STK32C: variants seen among roughly 807,000 people sequenced by gnomAD.
STK32C encodes serine/threonine-protein kinase 32C.
In STK32C, 31 loss-of-function variants were observed where a neutral mutation model predicts 56.5. That is an observed-to-expected ratio of 0.55 (90% CI 0.41 to 0.74). STK32C has a LOEUF of 0.74. Ranked by LOEUF, STK32C falls within the 30% of genes least tolerant of loss-of-function variation. STK32C has a pLI of 0.00. For missense variants in STK32C, 544 were observed against 676.9 expected, an observed-to-expected ratio of 0.80 and a Z score of 2.18; for synonymous variants, 309 against 289.4, an observed-to-expected ratio of 1.07 and a Z score of -0.69.
At chr10:132,331,064 G>C (rs2138522388) in intron 1 of STK32C, among the ~76,000 whole-genome samples, 1 of 151,412 alleles carries the variant, frequency 6.6e-6, no homozygotes, top group East Asian at 2.0e-4. Flanking sequence ...AGCTGGACGT[G>C]GTGGCGCGCG....
chr10:132,331,612 G>A (rs1355550601), exon 1 of STK32C: 2 of 1,612,914 alleles, frequency 1.2e-6, no homozygotes, highest in Non-Finnish European at 1.7e-6. Context: ...TGAGCCCAGC[G>A]GGAAGGACAG....
chr10:132,267,875 C>G (rs1254256931), intron 1 of STK32C, among the ~76,000 whole-genome samples: 1 of 131,292 alleles, frequency 7.6e-6, no homozygotes, highest in African/African-American at 2.9e-5. Context: ...CTATGCCTGT[C>G]TGTGTGCATG....
At chr10:132,228,915 C>G (rs552589924) in intron 2 of STK32C, among the ~76,000 whole-genome samples, 49 of 152,340 alleles carry the variant, frequency 3.2e-4, no homozygotes, top group African/African-American at 1.2e-3. Flanking sequence ...GGACCCCCTC[C>G]GGGGCGCCAG....
chr10:132,323,555 T>C (rs761074798), downstream of STK32C, among the ~76,000 whole-genome samples: 1 of 152,200 alleles, frequency 6.6e-6, no homozygotes, highest in African/African-American at 2.4e-5. This position sits in a 1 kb window ranked among gnomAD's most constrained non-coding sequence, Gnocchi z 4.8. Flanking sequence ...GAGACGTCCA[T>C]GTCTGAATCC....
At chr10:132,252,349 C>T (rs1001081247) in intron 1 of STK32C, among the ~76,000 whole-genome samples, 7 of 152,222 alleles carry the variant, frequency 4.6e-5, no homozygotes, top group African/African-American at 1.7e-4. Context: ...ACAAGGCCGT[C>T]GGGAGACATT....
chr10:132,283,401 C>T (rs1418174189), intron 1 of STK32C, among the ~76,000 whole-genome samples: 1 of 152,362 alleles, frequency 6.6e-6, no homozygotes, highest in African/African-American at 2.4e-5. Flanking sequence ...GAAGGTCCAG[C>T]GGCAGCCACG....
intron 1 of STK32C, among the ~76,000 whole-genome samples, chr10:132,266,980 C>A (rs1565127792): frequency 6.6e-6 from 1 of 152,202 alleles, no homozygotes; most frequent in Non-Finnish European, 1.5e-5. Flanking sequence ...ACCCCAACAA[C>A]CACCGTGAGT....
At chr10:132,237,511 T>C (rs941917854) in intron 2 of STK32C, among the ~76,000 whole-genome samples, 9 of 152,240 alleles carry the variant, frequency 5.9e-5, no homozygotes, top group African/African-American at 1.9e-4. Flanking sequence ...TTTTGGCCCA[T>C]TTAGGAGCAC....
chr10:132,301,091 G>A (rs182493338), intron 1 of STK32C, among the ~76,000 whole-genome samples: 8 of 148,784 alleles, frequency 5.4e-5, no homozygotes, highest in Admixed American at 6.7e-5. Context: ...AGGCCTGGTC[G>A]TCCACTAACA....
chr10:132,282,000 C>T (rs868664920), intron 1 of STK32C, among the ~76,000 whole-genome samples: 2 of 152,238 alleles, frequency 1.3e-5, no homozygotes, highest in Non-Finnish European at 2.9e-5. Context: ...TGCTGAGCGC[C>T]GACATTCAGA....
At chr10:132,270,803 G>A (rs1332923295) in intron 1 of STK32C, among the ~76,000 whole-genome samples, 3 of 152,160 alleles carry the variant, frequency 2.0e-5, no homozygotes, top group Non-Finnish European at 2.9e-5. Flanking sequence ...CCTGGCCACG[G>A]TGAGGCTGCG....
chr10:132,209,617 G>T (rs1018525432), intron 10 of STK32C, among the ~76,000 whole-genome samples: 1 of 151,914 alleles, frequency 6.6e-6, no homozygotes, highest in Non-Finnish European at 1.5e-5. Flanking sequence ...GTGATGGGCA[G>T]GCAGGACTAC....
intron 1 of STK32C, among the ~76,000 whole-genome samples, chr10:132,271,089 G>T (rs1036517650): frequency 6.6e-6 from 1 of 152,132 alleles, no homozygotes; most frequent in East Asian, 1.9e-4. Flanking sequence ...ACTCAAAGAC[G>T]CAAATGACTA....
At chr10:132,272,669 T>A (rs2064867201) in intron 1 of STK32C, among the ~76,000 whole-genome samples, 1 of 152,190 alleles carries the variant, frequency 6.6e-6, no homozygotes, top group Non-Finnish European at 1.5e-5. Flanking sequence ...CCGCCTGGAT[T>A]CCTGCAACAG....
chr10:132,243,638 T>C (rs751974485), intron 2 of STK32C, among the ~76,000 whole-genome samples: 5 of 152,202 alleles, frequency 3.3e-5, no homozygotes, highest in Admixed American at 1.3e-4. Context: ...TTGTTATGTG[T>C]AATTCACTGT....
chr10:132,248,844 C>T (rs1042579774), intron 1 of STK32C, among the ~76,000 whole-genome samples: 18 of 152,242 alleles, frequency 1.2e-4, no homozygotes, highest in Non-Finnish European at 1.9e-4. Context: ...AGCCCTAAGC[C>T]TCTGGCCCCC....
chr10:132,221,748 GCA>G (rs1396248558), intron 10 of STK32C, among the ~76,000 whole-genome samples: 4 of 130,180 alleles, frequency 3.1e-5, no homozygotes, highest in Non-Finnish European at 6.3e-5. Flanking sequence ...GGCCGTCCCT[GCA>G]CACACAACCA....
intron 1 of STK32C, among the ~76,000 whole-genome samples, chr10:132,252,378 C>G (rs2063940221): frequency 6.6e-6 from 1 of 152,250 alleles, no homozygotes; most frequent in Non-Finnish European, 1.5e-5. Flanking sequence ...GGACATTTGG[C>G]AAAGAAGTGT....
intron 1 of STK32C, among the ~76,000 whole-genome samples, chr10:132,272,360 A>G (rs2064855031): frequency 6.6e-6 from 1 of 152,228 alleles, no homozygotes; most frequent in South Asian, 2.1e-4. Context: ...CGGATCTGTG[A>G]GAGTGCAAGC....
Sources: gnomAD v4.1 joint callset for allele counts (sites outside exome capture counted in the v4.1 genomes callset) on GRCh38, gnomAD v4.1.1 for gene constraint, Gnocchi (gnomAD v3.1) non-coding constraint, MANE v1.5 for transcripts, NCBI Gene and HGNC (gene_info 2026-07-23, HGNC 2026-07-21) for gene names.